The following TLE2 variants were observed in gnomAD, a reference collection of about 807,000 sequenced individuals.
TLE2 encodes the protein TLE family member 2, transcriptional corepressor.
Under a neutral mutation model 97.2 loss-of-function variants are expected in TLE2, and 74 were observed. The observed-to-expected ratio is 0.76, with a 90% CI of 0.63 to 0.92. The LOEUF (loss-of-function observed/expected upper bound fraction) is 0.92. Ranked by LOEUF, TLE2 falls within the 40% of genes least tolerant of loss-of-function variation. The pLI is 0.00. For missense variants in TLE2, 1,038 were observed against 1,008.7 expected, an observed-to-expected ratio of 1.03 and a Z score of -0.39; for synonymous variants, 499 against 432.1, an observed-to-expected ratio of 1.15 and a Z score of -1.92.
At chr19:3,021,500 G>C (rs954810665) in intron 5 of TLE2, among the ~76,000 whole-genome samples, 6 of 152,200 alleles carry the variant, frequency 3.9e-5, no homozygotes, top group East Asian at 1.9e-4. Flanking sequence ...CATGTGGCTG[G>C]TGCAACTGAT....
chr19:3,030,950 C>CAAAA (rs60265159), upstream of TLE2, among the ~76,000 whole-genome samples: 1 of 112,930 alleles, frequency 8.9e-6, no homozygotes, highest in Admixed American at 1.0e-4. Context: ...GACCTTGTCT[C>CAAAA]AAAAAAAAAA....
At chr19:3,038,572 T>A (rs1032745303) in intron 1 of TLE2, among the ~76,000 whole-genome samples, 1 of 152,210 alleles carries the variant, frequency 6.6e-6, no homozygotes, top group Non-Finnish European at 1.5e-5. Flanking sequence ...ACATCTATGC[T>A]ATGCATTCTC....
Position 3,028,787 on chromosome 19 carries a change from C to A in TLE2, c.41G>T (p.Gly14Val), listed in dbSNP as rs866401768. Residue 14 changes from glycine to valine, a missense_variant, in exon 2 of 20, where the codon GGC becomes GTC. Coordinates refer to ENST00000262953, the MANE Select transcript of TLE2 (RefSeq NM_003260.5). ...QGRHPTPLQS[G>V]QPFKFSILEI... ...CAAGATCGAGAACTTGAAGGGCTGG[C>A]CGGACTGGAGCGGGGTCTGGGGGGG... 6.2e-7 allele frequency: 1 copy of A among 1,612,780 alleles called. No homozygotes were observed. Among genetic ancestry groups the A allele is most frequent in the Non-Finnish European group, 8.5e-7 (1 of 1,179,840 alleles).
chr19:3,040,113 G>A (rs1374224056), intron 1 of TLE2, among the ~76,000 whole-genome samples: 5 of 152,258 alleles, frequency 3.3e-5, no homozygotes, highest in African/African-American at 7.2e-5. Flanking sequence ...TCTGGTCATT[G>A]CAGCAACCCC....
chr19:3,045,054 CA>C (rs918202225), intron 1 of TLE2, among the ~76,000 whole-genome samples: 6 of 148,426 alleles, frequency 4.0e-5, no homozygotes, highest in Non-Finnish European at 7.5e-5. Flanking sequence ...CTTGTCCCTA[CA>C]AAAAAAAAAT....
At chr19:3,022,705 A>G (rs1239725105) in intron 5 of TLE2, among the ~76,000 whole-genome samples, 1 of 152,128 alleles carries the variant, frequency 6.6e-6, no homozygotes, top group East Asian at 1.9e-4. Flanking sequence ...CTGAAGACAG[A>G]CATCTGGGCT....
In TLE2 at chr19:3,013,502, A is replaced by C. The variant is rs1599216496; in HGVS notation, c.873+167T>G. On this transcript the variant is annotated intron_variant, in intron 11 of 19. Transcript: ENST00000262953. Reference sequence around the variant, plus strand: ...TTTAATATTTACTGAGGTTCAACAAAGTCAGTCCAAGCAGGAGGTTTAAAA... The same window carrying C: ...TTTAATATTTACTGAGGTTCAACAACGTCAGTCCAAGCAGGAGGTTTAAAA... Among the ~76,000 whole-genome samples the C allele has an allele frequency of 2.0e-5, 3 of 152,104 alleles. No individual in the cohort carries two copies. The South Asian group carries it at 6.2e-4, about 32-fold the overall frequency.
intron 1 of TLE2, among the ~76,000 whole-genome samples, chr19:3,041,673 ACT>A: frequency 6.6e-6 from 1 of 151,916 alleles, no homozygotes; most frequent in East Asian, 1.9e-4. Flanking sequence ...CTTCCCCATG[ACT>A]CTGTGAGCTC....
chr19:3,046,927 C>CCT (rs2090145979), upstream of TLE2, among the ~76,000 whole-genome samples: 1 of 117,226 alleles, frequency 8.5e-6, no homozygotes, highest in South Asian at 3.4e-4. Context: ...TCCTCCCCCT[C>CCT]CTCTGCCTCC....
chr19:3,035,463 C>T (rs2090054967), intron 1 of TLE2, among the ~76,000 whole-genome samples: 1 of 152,080 alleles, frequency 6.6e-6, no homozygotes, highest in Non-Finnish European at 1.5e-5. Flanking sequence ...GCCGATCTCC[C>T]CCTTCCCATT....
At chr19:3,006,395 G>C in intron 15 of TLE2, 25 bp downstream of exon 15, 1 of 1,600,290 alleles carries the variant, frequency 6.2e-7, no homozygotes, top group Middle Eastern at 2.3e-4. Flanking sequence ...TGTGAGTCCC[G>C]CCCACTGTCC....
At chr19:3,022,288 G>A (rs532785198) in intron 5 of TLE2, among the ~76,000 whole-genome samples, 25 of 152,122 alleles carry the variant, frequency 1.6e-4, no homozygotes, top group African/African-American at 5.8e-4. Context: ...TTGGGAGGCC[G>A]AGCCAGATGG....
intron 5 of TLE2, among the ~76,000 whole-genome samples, chr19:3,022,759 T>TG (rs930554596): frequency 1.3e-5 from 2 of 151,772 alleles, no homozygotes; most frequent in Non-Finnish European, 2.9e-5. Flanking sequence ...AGAGCTCCCA[T>TG]GGGGGTGCAC....
chr19:3,020,720 G>C (rs972333866), intron 5 of TLE2: 8 of 152,126 alleles, frequency 5.3e-5, no homozygotes, highest in African/African-American at 1.7e-4. Context: ...AACATTTTAA[G>C]CTTCTTCCAT....
upstream of TLE2, among the ~76,000 whole-genome samples, chr19:3,046,588 C>T (rs527462839): frequency 6.6e-6 from 1 of 151,258 alleles, no homozygotes; most frequent in Non-Finnish European, 1.5e-5. Context: ...CACCCCCCAC[C>T]CCACCTCCGC....
chr19:2,998,290 T>G (rs181480347), intron 19 of TLE2, among the ~76,000 whole-genome samples: 7,504 of 148,264 alleles, frequency 0.051, 648 homozygotes, highest in African/African-American at 0.17. Context: ...TTTTTTTTTT[T>G]TTTGTGAGAC....
At position 3,025,269 on chromosome 19, in the gene TLE2, T is replaced by A. The variant is rs2304251; in HGVS notation, c.232-187A>T. 5.3e-4 allele frequency: 596 copies of A among 1,132,192 alleles called. 4 individuals are homozygous for A. In the East Asian group the frequency reaches 0.01, roughly 19 times the overall value. The allele number at this position is 1,132,192 out of a possible 1,614,324, so 70.1% of individuals were successfully genotyped here. On this transcript the variant is annotated intron_variant, in intron 4 of 19. Coordinates refer to ENST00000262953, the MANE Select transcript of TLE2 (RefSeq NM_003260.5). ...GGATTCAGAGCCCCACCAGGCTGCG[T>A]GCTCAGCTGAGCGAGGCCCAGGGTG... is the stretch of plus-strand genomic sequence containing the variant.
Position 3,011,075 on chromosome 19 carries a change from G to A in TLE2, c.959C>T (p.Ala320Val), listed in dbSNP as rs1410689820. The change falls in exon 12 of 20, where the codon GCC becomes GTC. Residue 320 changes from alanine to valine, a missense_variant. Physicochemically the swap from Ala to Val is moderately conservative, Grantham distance 64. Transcript: ENST00000262953. Reference sequence around the variant, plus strand: ...GGCAGCAAGCTGGCAGAGGTGACTGGCCGAGCTGGGCCCGGGGGTGGAAGC... The same window carrying A: ...GGCAGCAAGCTGGCAGAGGTGACTGACCGAGCTGGGCCCGGGGGTGGAAGC... ...QDASTPGPSSASHLCQLAAKP... is the reference protein window; with the variant it reads ...QDASTPGPSSVSHLCQLAAKP... 3 of 1,608,856 alleles carry A rather than the reference G, an allele frequency of 1.9e-6. No individual in the cohort carries two copies. In the South Asian group the frequency reaches 3.3e-5, roughly 18 times the overall value.
chr19:3,030,224 G>T (rs756789993), upstream of TLE2, among the ~76,000 whole-genome samples: 11 of 152,178 alleles, frequency 7.2e-5, no homozygotes, highest in Non-Finnish European at 1.5e-4. Flanking sequence ...TCCCCTCTCA[G>T]ACTGGGTTTC....
Sources: gnomAD v4.1 joint callset for allele counts (sites outside exome capture counted in the v4.1 genomes callset) on GRCh38, gnomAD v4.1.1 for gene constraint, MANE v1.5 for transcripts, NCBI Gene and HGNC (gene_info 2026-07-23, HGNC 2026-07-21) for gene names.